The following RIPK4 variants were observed in gnomAD, a reference collection of about 807,000 sequenced individuals.
The protein encoded by RIPK4 is receptor-interacting serine/threonine-protein kinase 4.
In RIPK4, 17 loss-of-function variants were observed where a neutral mutation model predicts 42.9. That is an observed-to-expected ratio of 0.40 (90% confidence interval 0.27 to 0.59). The LOEUF is 0.59. RIPK4 is among the 20% of genes least tolerant of loss of function. The pLI, the probability that RIPK4 is intolerant of heterozygous loss-of-function variation, is 0.47. For missense variants in RIPK4, 897 were observed against 1,104.4 expected (o/e 0.81, Z 2.66); for synonymous variants, 498 against 499.1 (o/e 1.00, Z 0.03).
At chr21:41,763,265 A>G (rs2061226298) in intron 1 of RIPK4, among the ~76,000 whole-genome samples, 1 of 152,174 alleles carries the variant, frequency 6.6e-6, no homozygotes, top group Non-Finnish European at 1.5e-5. Flanking sequence ...GCCAAAGTGT[A>G]TTTCGCCCTC....
Sources: gnomAD v4.1 joint callset for allele counts (sites outside exome capture counted in the v4.1 genomes callset) on GRCh38, gnomAD v4.1.1 for gene constraint, MANE v1.5 for transcripts, NCBI Gene and HGNC (gene_info 2026-07-23, HGNC 2026-07-21) for gene names.